Variants in SCAPER observed in about 807,000 individuals in gnomAD.
The protein encoded by SCAPER is S phase cyclin A-associated protein in the endoplasmic reticulum.
SCAPER carries 98 observed loss-of-function variants against 182.2 expected under a neutral mutation model. The ratio of observed to expected loss-of-function variants is 0.54; its 90% CI spans 0.46 to 0.64. The LOEUF is 0.64. Among genes scored for constraint, SCAPER ranks in the 30% least tolerant of loss-of-function variants. The pLI, the probability that SCAPER is intolerant of heterozygous loss-of-function variation, is 0.00. For synonymous variants in SCAPER, 605 were observed against 564.6 expected (o/e 1.07, Z -1.01); for missense variants, 1,432 against 1,690.0 (o/e 0.85, Z 2.68).
chr15:76,659,337 C>T (rs2055929651), intron 21 of SCAPER, among the ~76,000 whole-genome samples: 3 of 152,210 alleles, frequency 2.0e-5, no homozygotes, highest in South Asian at 4.1e-4. Context: ...GTGGTACAAT[C>T]ACAGCTCACT....
chr15:76,424,083 G>C (rs2142381906), intron 26 of SCAPER, among the ~76,000 whole-genome samples: 1 of 152,310 alleles, frequency 6.6e-6, no homozygotes, highest in East Asian at 1.9e-4. Context: ...GTGCTGAGAA[G>C]AATGTATATT....
intron 6 of SCAPER, among the ~76,000 whole-genome samples, chr15:76,801,010 T>C (rs1341917082): frequency 6.6e-6 from 1 of 152,226 alleles, no homozygotes; most frequent in Non-Finnish European, 1.5e-5. Context: ...TGTCTTACTC[T>C]CCATTTCCTT....
intron 24 of SCAPER, among the ~76,000 whole-genome samples, chr15:76,488,517 A>G (rs1183133512): frequency 6.6e-6 from 1 of 151,802 alleles, no homozygotes; most frequent in African/African-American, 2.4e-5. Flanking sequence ...TTCATATCAT[A>G]CTCTCTCCTT....
chr15:76,757,253 T>C (rs955068884), intron 14 of SCAPER, among the ~76,000 whole-genome samples: 1 of 152,172 alleles, frequency 6.6e-6, no homozygotes, highest in East Asian at 1.9e-4. Context: ...GTCAAACTGT[T>C]GTACCCTTTG....
intron 23 of SCAPER, among the ~76,000 whole-genome samples, chr15:76,563,647 TC>T (rs915109041): frequency 6.6e-6 from 1 of 151,872 alleles, no homozygotes; most frequent in South Asian, 2.1e-4. Context: ...GAGGAGGGAC[TC>T]CCCCCCAGTT....
chr15:76,513,022 T>C (rs1023795184), intron 23 of SCAPER, among the ~76,000 whole-genome samples: 3 of 152,284 alleles, frequency 2.0e-5, no homozygotes, highest in Non-Finnish European at 1.5e-5. Flanking sequence ...CATGGCCAGA[T>C]AGACACACTG....
In SCAPER at chr15:76,753,953, G is replaced by T. The variant is rs372664930; in HGVS notation, c.1726-5C>A. ...CCACTTCCGGACATCCTTCTCCTAC[G>T]TATAGTGAATCATCACATCCTTAAT... is the stretch of plus-strand genomic sequence containing the variant. On this transcript the variant is annotated splice_region_variant and splice_polypyrimidine_tract_variant and intron_variant, in intron 14 of 31. Coordinates refer to ENST00000563290, the MANE Select transcript of SCAPER (RefSeq NM_020843.4). 6.2e-7 allele frequency: 1 copy of T among 1,610,340 alleles called. No individual in the cohort carries two copies. The highest frequency in any genetic ancestry group is 1.1e-5 in the South Asian group (1 of 90,604).
At chr15:76,530,657 T>C (rs2043578594) in intron 23 of SCAPER, among the ~76,000 whole-genome samples, 1 of 152,158 alleles carries the variant, frequency 6.6e-6, no homozygotes, top group African/African-American at 2.4e-5. Context: ...TTTCTGAGTT[T>C]GCACCAGGGA....
At chr15:76,736,481 A>C (rs564799167) in intron 15 of SCAPER, among the ~76,000 whole-genome samples, 2 of 152,338 alleles carry the variant, frequency 1.3e-5, no homozygotes, top group East Asian at 3.9e-4. Flanking sequence ...TTCTTTCAAA[A>C]TTGGAGTCAA....
intron 5 of SCAPER, among the ~76,000 whole-genome samples, chr15:76,823,483 A>G (rs2067741539): frequency 6.6e-6 from 1 of 151,062 alleles, no homozygotes; most frequent in Admixed American, 6.6e-5. Flanking sequence ...AATAAAATAA[A>G]TAAATTAAAA....
At chr15:76,894,011 G>A (rs2074294617) in intron 1 of SCAPER, among the ~76,000 whole-genome samples, 1 of 152,204 alleles carries the variant, frequency 6.6e-6, no homozygotes, top group African/African-American at 2.4e-5. Context: ...AGCCCTTTGG[G>A]AGGCCGAGGC....
chr15:76,552,862 C>T (rs1288204663), intron 23 of SCAPER, among the ~76,000 whole-genome samples: 1 of 152,150 alleles, frequency 6.6e-6, no homozygotes, highest in African/African-American at 2.4e-5. Context: ...AGCGCTCGCA[C>T]TACTTGCTAG....
chr15:76,760,544 C>G (rs1377441408), intron 14 of SCAPER, among the ~76,000 whole-genome samples: 2 of 152,126 alleles, frequency 1.3e-5, no homozygotes, highest in Non-Finnish European at 2.9e-5. Flanking sequence ...GAGGCATGAT[C>G]TATTAAATCA....
intron 20 of SCAPER, among the ~76,000 whole-genome samples, chr15:76,694,905 A>G (rs752174497): frequency 2.6e-5 from 4 of 152,132 alleles, no homozygotes. Context: ...CAATTTTGCA[A>G]TTTTGCCCAA....
Position 76,721,065 on chromosome 15 carries a change from C to T in SCAPER, c.2165+7530G>A, listed in dbSNP as rs1029792263. Among the ~76,000 whole-genome samples the T allele has an allele frequency of 6.6e-3, 1,004 of 152,184 alleles. 7 individuals carry two copies. Among genetic ancestry groups the T allele is most frequent in the Non-Finnish European group, 0.011 (773 of 68,018 alleles). ...AGGGTTTTTATGGTTTTAGGTCTAACCTTTAAGTCTTTAATCCATCTTGAA... is the reference window on the plus strand; with the variant it reads ...AGGGTTTTTATGGTTTTAGGTCTAATCTTTAAGTCTTTAATCCATCTTGAA... On this transcript the variant is annotated intron_variant, in intron 17 of 31. Transcript: ENST00000563290.
chr15:76,564,247 G>C (rs187295125), intron 23 of SCAPER, among the ~76,000 whole-genome samples: 1 of 152,224 alleles, frequency 6.6e-6, no homozygotes, highest in East Asian at 1.9e-4. Context: ...CAGATGACAC[G>C]ATCCTATATC....
At chr15:76,536,897 A>C (rs1454133239) in intron 23 of SCAPER, among the ~76,000 whole-genome samples, 1 of 151,700 alleles carries the variant, frequency 6.6e-6, no homozygotes. Context: ...ATGTACAAAA[A>C]TCACAAGCAT....
At chr15:76,822,725 A>C (rs1397017834) in intron 5 of SCAPER, among the ~76,000 whole-genome samples, 1 of 152,220 alleles carries the variant, frequency 6.6e-6, no homozygotes. Flanking sequence ...GGCAAAGATA[A>C]ATTTTTGGTA....
chr15:76,387,834 C>T (rs554228941), intron 27 of SCAPER, among the ~76,000 whole-genome samples: 4 of 152,190 alleles, frequency 2.6e-5, no homozygotes, highest in South Asian at 2.1e-4. Flanking sequence ...TAATTCCACA[C>T]GCTTAAGATG....
Sources: allele counts gnomAD v4.1 joint callset (sites outside exome capture counted in the v4.1 genomes callset), GRCh38; gene constraint gnomAD v4.1.1; transcripts MANE v1.5; gene names NCBI Gene and HGNC (gene_info 2026-07-23, HGNC 2026-07-21).